MAGI2: variants seen among roughly 807,000 people sequenced by gnomAD.
The protein encoded by MAGI2 is membrane-associated guanylate kinase, WW and PDZ domain-containing protein 2.
Under a neutral mutation model 133.3 loss-of-function variants are expected in MAGI2, and 35 were observed. The observed-to-expected ratio is 0.26, with a 90% CI of 0.20 to 0.35. The LOEUF (loss-of-function observed/expected upper bound fraction) is 0.35. Among genes scored for constraint, MAGI2 ranks in the 10% least tolerant of loss-of-function variants. MAGI2 has a pLI of 1.00. For synonymous variants in MAGI2, 729 were observed against 710.6 expected (o/e 1.03, Z -0.41); for missense variants, 1,636 against 1,863.4 (o/e 0.88, Z 2.25).
At chr7:78,152,526 C>A (rs968478652) in intron 16 of MAGI2, among the ~76,000 whole-genome samples, 2 of 152,290 alleles carry the variant, frequency 1.3e-5, no homozygotes, top group African/African-American at 4.8e-5. Flanking sequence ...TCTACCACTC[C>A]CCCCTTAGCC....
chr7:78,059,279 T>A (rs1049603039), intron 21 of MAGI2, among the ~76,000 whole-genome samples: 7 of 152,156 alleles, frequency 4.6e-5, no homozygotes, highest in Non-Finnish European at 1.0e-4. Flanking sequence ...AATCCACAGG[T>A]GATGATAATG....
At chr7:78,275,271 C>G (rs1794952400) in intron 9 of MAGI2, among the ~76,000 whole-genome samples, 1 of 152,184 alleles carries the variant, frequency 6.6e-6, no homozygotes, top group Admixed American at 6.5e-5. Flanking sequence ...CCTCTGTGGG[C>G]TGCACCCACT....
intron 2 of MAGI2, among the ~76,000 whole-genome samples, chr7:78,765,598 C>T (rs975134222): frequency 1.3e-4 from 20 of 151,906 alleles, no homozygotes; most frequent in African/African-American, 3.4e-4. Context: ...CTGCCCACCT[C>T]GGCCTCTCAA....
chr7:79,368,686 A>C (rs1049983731), intron 1 of MAGI2, among the ~76,000 whole-genome samples: 6 of 151,320 alleles, frequency 4.0e-5, no homozygotes, highest in Admixed American at 2.0e-4. Context: ...GTCTCTACTA[A>C]AAATACAAAA....
chr7:78,425,303 T>C (rs6466211), intron 6 of MAGI2, among the ~76,000 whole-genome samples: 45,632 of 152,092 alleles, frequency 0.3, 7,230 homozygotes, highest in African/African-American at 0.38. Flanking sequence ...TCCACCGTGA[T>C]TGTGAGGCTT....
intron 12 of MAGI2, among the ~76,000 whole-genome samples, chr7:78,190,269 T>C (rs574342213): frequency 6.6e-6 from 1 of 152,318 alleles, no homozygotes; most frequent in Admixed American, 6.5e-5. Flanking sequence ...AAGTCACTAA[T>C]AAGCCTTTAC....
chr7:79,387,094 TTGTGTGTGTG>T (rs3050633), intron 1 of MAGI2, among the ~76,000 whole-genome samples: 6 of 141,504 alleles, frequency 4.2e-5, no homozygotes, highest in African/African-American at 8.0e-5. Context: ...ATTTTTATGC[TTGTGTGTGTG>T]TGTGTGTGTG....
intron 2 of MAGI2, among the ~76,000 whole-genome samples, chr7:78,804,753 A>AAAACAAAAAAAAC (rs1324294754): frequency 2.6e-5 from 1 of 38,270 alleles, no homozygotes; most frequent in African/African-American, 6.2e-5. Context: ...TGTCTCAAAA[A>AAAACAAAAAAAAC]AAAAAAAAAA....
intron 2 of MAGI2, among the ~76,000 whole-genome samples, chr7:78,692,887 A>G (rs1817116816): frequency 1.3e-5 from 2 of 152,314 alleles, no homozygotes; most frequent in South Asian, 4.1e-4. Flanking sequence ...AAGCCTCCCT[A>G]TCAACGGTTT....
intron 1 of MAGI2, among the ~76,000 whole-genome samples, chr7:79,039,707 T>A (rs1305797936): frequency 6.6e-6 from 1 of 151,404 alleles, no homozygotes; most frequent in African/African-American, 2.4e-5. Context: ...AGAGGTTGGG[T>A]GCAGTGGCTC....
intron 6 of MAGI2, among the ~76,000 whole-genome samples, chr7:78,466,810 G>C (rs943990150): frequency 6.6e-6 from 1 of 152,144 alleles, no homozygotes; most frequent in African/African-American, 2.4e-5. Context: ...TGACTGGGCT[G>C]CTTGTTGAAA....
chr7:78,699,247 C>G (rs1207779586), intron 2 of MAGI2, among the ~76,000 whole-genome samples: 1 of 152,144 alleles, frequency 6.6e-6, no homozygotes, highest in Non-Finnish European at 1.5e-5. Context: ...GTAATTGGGA[C>G]TACATGCCAC....
intron 1 of MAGI2, among the ~76,000 whole-genome samples, chr7:79,376,233 G>A (rs564405276): frequency 4.0e-5 from 6 of 151,874 alleles, no homozygotes; most frequent in Admixed American, 6.6e-5. Context: ...ACATACCTAC[G>A]ATAAAGTGTA....
At chr7:78,655,469 A>AAC (rs1812119836) in intron 2 of MAGI2, among the ~76,000 whole-genome samples, 2 of 150,140 alleles carry the variant, frequency 1.3e-5, no homozygotes, top group Non-Finnish European at 3.0e-5. Context: ...AAAAAAAAAA[A>AAC]AAAAAACCAC....
intron 2 of MAGI2, among the ~76,000 whole-genome samples, chr7:78,859,969 C>T (rs1794017525): frequency 6.6e-6 from 1 of 152,140 alleles, no homozygotes; most frequent in Admixed American, 6.5e-5. Flanking sequence ...AACTTCTCTT[C>T]TCTCTTCATT....
intron 10 of MAGI2, among the ~76,000 whole-genome samples, chr7:78,235,974 T>C (rs542896644): frequency 6.6e-6 from 1 of 152,042 alleles, no homozygotes; most frequent in African/African-American, 2.4e-5. Context: ...AAATCTAGTA[T>C]TATGATTCCA....
intron 2 of MAGI2, among the ~76,000 whole-genome samples, chr7:78,908,383 C>G (rs571680455): frequency 1.3e-5 from 2 of 152,236 alleles, no homozygotes; most frequent in East Asian, 3.9e-4. Context: ...GACAGTAATT[C>G]TTAAATACAG....
chr7:78,066,411 G>A (rs1443398918), intron 21 of MAGI2, among the ~76,000 whole-genome samples: 4 of 150,698 alleles, frequency 2.7e-5, no homozygotes, highest in East Asian at 1.9e-4. Flanking sequence ...GCAGTGAGCC[G>A]ACATAGCACC....
intron 3 of MAGI2, among the ~76,000 whole-genome samples, chr7:78,570,432 G>C (rs1801386221): frequency 6.6e-6 from 1 of 152,100 alleles, no homozygotes; most frequent in Non-Finnish European, 1.5e-5. Flanking sequence ...AGGAAGTGGG[G>C]AAGAGAAGAG....
Sources: gnomAD v4.1 joint callset for allele counts (sites outside exome capture counted in the v4.1 genomes callset) on GRCh38, gnomAD v4.1.1 for gene constraint, MANE v1.5 for transcripts, NCBI Gene and HGNC (gene_info 2026-07-23, HGNC 2026-07-21) for gene names.